Variants in FANCC observed in about 807,000 individuals in gnomAD.
FANCC encodes FA complementation group C, also known as Fanconi anemia group C protein.
A neutral mutation model predicts 71.3 loss-of-function variants in FANCC; 55 were observed. The ratio of observed to expected loss-of-function variants is 0.77; its 90% CI spans 0.62 to 0.97. The LOEUF is 0.97. Among genes scored for constraint, FANCC ranks in the 50% least tolerant of loss-of-function variants. FANCC has a pLI of 0.00. For synonymous variants in FANCC, 275 were observed against 244.9 expected (o/e 1.12, Z -1.15); for missense variants, 678 against 670.9 (o/e 1.01, Z -0.12).
intron 1 of FANCC, among the ~76,000 whole-genome samples, chr9:95,302,558 G>A (rs537998017): frequency 2.6e-5 from 4 of 152,304 alleles, no homozygotes; most frequent in Middle Eastern, 3.4e-3. Flanking sequence ...AATCTGTTCC[G>A]AGAAATTCCA....
intron 7 of FANCC, among the ~76,000 whole-genome samples, chr9:95,135,835 C>A (rs1413372461): frequency 6.6e-6 from 1 of 152,224 alleles, no homozygotes; most frequent in Non-Finnish European, 1.5e-5. Context: ...CAGTCCCTAA[C>A]TGAAGAAATA....
At chr9:95,110,177 G>C (rs762082895) in intron 13 of FANCC, 12 of 894,292 alleles carry the variant, frequency 1.3e-5, no homozygotes, top group Non-Finnish European at 1.6e-5. Flanking sequence ...TCATAAAAAA[G>C]GACCAAGTTA....
rs1181146628 is a variant in FANCC at position 95,111,524 on chromosome 9, A to T, written c.1268T>A (p.Leu423Gln). The stretch of plus-strand genomic sequence containing the variant: ...GCCGTAGTAGAAGGCCAAGAGCCAC[A>T]GCAGGGCCGTGGGGGGTTCGGCTGC... ...MSAAEPPTALLWLLAFYYGPR... is the reference protein window; with the variant it reads ...MSAAEPPTALQWLLAFYYGPR... Residue 423 changes from leucine to glutamine, a missense_variant, in exon 13 of 15, where the codon CTG becomes CAG. Transcript: ENST00000289081. The T allele has an allele frequency of 1.9e-6, 3 of 1,614,138 alleles. No individual in the cohort carries two copies. Among genetic ancestry groups the T allele is most frequent in the Non-Finnish European group, 2.5e-6 (3 of 1,180,030 alleles).
intron 1 of FANCC, among the ~76,000 whole-genome samples, chr9:95,308,982 T>C (rs766233188): frequency 3.9e-5 from 6 of 152,152 alleles, no homozygotes; most frequent in Non-Finnish European, 8.8e-5. Context: ...CACTCCAGCC[T>C]GGGGGACCGA....
chr9:95,251,227 A>G (rs576633421), intron 1 of FANCC, among the ~76,000 whole-genome samples: 1 of 152,358 alleles, frequency 6.6e-6, no homozygotes, highest in South Asian at 2.1e-4. Flanking sequence ...TAAGGAATGA[A>G]TAATTCACCG....
chr9:95,268,926 G>A (rs528033119), intron 1 of FANCC, among the ~76,000 whole-genome samples: 1 of 152,160 alleles, frequency 6.6e-6, no homozygotes, highest in African/African-American at 2.4e-5. Flanking sequence ...CTCCAAAGCC[G>A]ATGCTATGCT....
In FANCC at chr9:95,124,103, CAAAAAAAAAAAAA is replaced by C. The variant is rs139226812; in HGVS notation, c.996+970_996+982del. ...TGGGTGACAGAGTAAAACCTTGTCTCAAAAAAAAAAAAAAAAAAAAAAAAAAGTAGAAATATCG... is the reference window on the plus strand; with the variant it reads ...TGGGTGACAGAGTAAAACCTTGTCTCAAAAAAAAAAAAAGTAGAAATATCG... On this transcript the variant is annotated intron_variant, in intron 10 of 14. Transcript: ENST00000289081. Among the ~76,000 whole-genome samples the C allele has an allele frequency of 6.9e-5, 3 of 43,550 alleles. No individual in the cohort carries two copies. The South Asian group carries it at 3.3e-3, about 48-fold the overall frequency. 28.6% of individuals were successfully genotyped at this position (43,550 alleles called of 152,430 possible).
intron 4 of FANCC, among the ~76,000 whole-genome samples, chr9:95,202,449 G>T (rs923276469): frequency 1.3e-5 from 2 of 151,368 alleles, no homozygotes; most frequent in African/African-American, 4.8e-5. Flanking sequence ...GGGCTTAACA[G>T]GGGCAGGGCT....
chr9:95,144,186 G>A (rs762065953), intron 7 of FANCC, among the ~76,000 whole-genome samples: 1 of 152,306 alleles, frequency 6.6e-6, no homozygotes, highest in Non-Finnish European at 1.5e-5. Context: ...GATCAGCCTC[G>A]CTGTGTCAAC....
chr9:95,117,408 A>G lies in FANCC; in HGVS notation c.997-18T>C. On this transcript the variant is annotated intron_variant, in intron 10 of 14. Transcript: ENST00000289081. ...AACCGCAGCTGCCACAGGATGGAAA[A>G]TCCAAAGAGCATGAACATTAAGATT... 6.2e-7 allele frequency: 1 copy of G among 1,608,958 alleles called. No individual in the cohort carries two copies. Among genetic ancestry groups the G allele is most frequent in the Non-Finnish European group, 8.5e-7 (1 of 1,176,194 alleles).
chr9:95,296,702 T>C (rs944655944), intron 1 of FANCC, among the ~76,000 whole-genome samples: 7 of 152,170 alleles, frequency 4.6e-5, no homozygotes, highest in Non-Finnish European at 8.8e-5. Flanking sequence ...TGGGACAATA[T>C]TGGGCTGGCT....
Position 95,101,844 on chromosome 9 carries a change from G to A in FANCC, c.1540C>T (p.His514Tyr), listed in dbSNP as rs749319183. The A allele has an allele frequency of 5.0e-6, 8 of 1,613,942 alleles. No homozygotes were observed. The South Asian group carries it at 5.5e-5, about 11-fold the overall frequency. ...IAWDVITLMA[H>Y]TAEITHEIIG... ...ATCTCGTGAGTTATCTCAGCAGTGT[G>A]AGCCATCTGCAATCAGGACAGAAGA... The change falls in exon 15 of 15, where the codon CAC (histidine) becomes TAC (tyrosine). Residue 514 changes from histidine (H) to tyrosine (Y), a missense_variant. His to Tyr is a moderately conservative substitution (Grantham distance 83). Transcript: ENST00000289081.
intron 4 of FANCC, among the ~76,000 whole-genome samples, chr9:95,238,549 C>CA (rs1564784318): frequency 6.6e-6 from 1 of 150,760 alleles, no homozygotes; most frequent in Non-Finnish European, 1.5e-5. Context: ...ATATCTCTGG[C>CA]TTTTTTTTTC....
intron 14 of FANCC, among the ~76,000 whole-genome samples, chr9:95,105,271 T>C (rs967671529): frequency 6.6e-6 from 1 of 152,174 alleles, no homozygotes; most frequent in Admixed American, 6.5e-5. Context: ...GGGGACTTTC[T>C]GTACATGGAC....
intron 1 of FANCC, among the ~76,000 whole-genome samples, chr9:95,252,245 G>A (rs1831376079): frequency 8.2e-6 from 1 of 121,604 alleles, no homozygotes; most frequent in Non-Finnish European, 1.6e-5. Flanking sequence ...CCATTGCACT[G>A]CAGCCTGGGA....
At chr9:95,210,444 C>T (rs373815929) in intron 4 of FANCC, among the ~76,000 whole-genome samples, 2 of 152,112 alleles carry the variant, frequency 1.3e-5, no homozygotes, top group East Asian at 1.9e-4. Flanking sequence ...AACTCAGTTC[C>T]CTAACAATGA....
At chr9:95,153,983 TG>T (rs1291328713) in intron 6 of FANCC, among the ~76,000 whole-genome samples, 1 of 152,064 alleles carries the variant, frequency 6.6e-6, no homozygotes, top group Non-Finnish European at 1.5e-5. Flanking sequence ...TGGTGGCTCA[TG>T]CCTGTAATCC....
intron 1 of FANCC, among the ~76,000 whole-genome samples, chr9:95,282,464 T>C (rs543056304): frequency 1.1e-4 from 16 of 152,208 alleles, no homozygotes; most frequent in East Asian, 7.7e-4. Flanking sequence ...AAGAAACAGA[T>C]AGATTGTAAC....
intron 1 of FANCC, among the ~76,000 whole-genome samples, chr9:95,291,240 G>A (rs1031382609): frequency 7.9e-5 from 12 of 152,018 alleles, no homozygotes; most frequent in Non-Finnish European, 1.5e-4. Flanking sequence ...TTAGGTAAGA[G>A]AAAGAAAGAA....
Sources: gnomAD v4.1 joint callset for allele counts (sites outside exome capture counted in the v4.1 genomes callset) on GRCh38, gnomAD v4.1.1 for gene constraint, MANE v1.5 for transcripts, NCBI Gene and HGNC (gene_info 2026-07-23, HGNC 2026-07-21) for gene names.